Variants in TWIST2 observed in about 807,000 individuals in gnomAD.
The protein encoded by TWIST2 is twist-related protein 2.
Under a neutral mutation model 11.6 loss-of-function variants are expected in TWIST2, and 1 was observed. The ratio of observed to expected loss-of-function variants is 0.09; its 90% CI spans 0.03 to 0.41. The LOEUF (loss-of-function observed/expected upper bound fraction) is 0.41, where lower values mean the gene tolerates loss of function less well. Ranked by LOEUF, TWIST2 falls within the 10% of genes least tolerant of loss-of-function variation. The probability of loss-of-function intolerance (pLI) is 0.98; values close to 1 mark genes in which losing one functional copy is unlikely to be tolerated. For synonymous variants in TWIST2, 87 were observed against 96.6 expected (o/e 0.90, Z 0.58); for missense variants, 168 against 226.4 (o/e 0.74, Z 1.66).
At chr2:238,891,768 C>G (rs1255850496) in intron 1 of TWIST2, among the ~76,000 whole-genome samples, 5 of 152,138 alleles carry the variant, frequency 3.3e-5, no homozygotes, top group African/African-American at 1.2e-4. Context: ...AGGCTTGAGT[C>G]CAAAAACCCC....
At chr2:238,872,098 T>C (rs1692715250) in intron 1 of TWIST2, among the ~76,000 whole-genome samples, 1 of 152,236 alleles carries the variant, frequency 6.6e-6, no homozygotes. Flanking sequence ...GTTTCTGCCA[T>C]ATTAACCGGA....
chr2:238,878,817 T>C (rs1692854218), intron 1 of TWIST2, among the ~76,000 whole-genome samples: 1 of 152,184 alleles, frequency 6.6e-6, no homozygotes, highest in Non-Finnish European at 1.5e-5. Context: ...GGGTCCGTGC[T>C]TTCAGCTGGA....
At chr2:238,870,563 A>C (rs1194956848) in intron 1 of TWIST2, among the ~76,000 whole-genome samples, 1 of 112,618 alleles carries the variant, frequency 8.9e-6, no homozygotes, top group Non-Finnish European at 1.8e-5. Flanking sequence ...CACACACACC[A>C]CACACCACAC....
At chr2:238,858,757 C>A (rs1320193428) in intron 1 of TWIST2, among the ~76,000 whole-genome samples, 1 of 152,150 alleles carries the variant, frequency 6.6e-6, no homozygotes, top group Non-Finnish European at 1.5e-5. Flanking sequence ...TAGGTATATA[C>A]CCCAAAACAC....
intron 1 of TWIST2, among the ~76,000 whole-genome samples, chr2:238,869,866 T>TA (rs1692614496): frequency 2.0e-5 from 3 of 152,172 alleles, no homozygotes; most frequent in Non-Finnish European, 2.9e-5. Flanking sequence ...GAGGATCACT[T>TA]GAGTCCAGGA....
rs144754003 is a variant in TWIST2, at chr2:238,882,374, T to A, written c.*36-27468T>A. Among the ~76,000 whole-genome samples, 721 of 152,202 alleles carry A rather than the reference T, an allele frequency of 4.7e-3. 5 individuals are homozygous for A. The highest frequency in any genetic ancestry group is 0.016 in the African/African-American group (682 of 41,518). On this transcript the variant is annotated intron_variant, in intron 1 of 1. Transcript: ENST00000612363. ...AAACCTCTGAGACCATTCAATAGGG[T>A]GGTGGCTGGAAAACAGATCAGTACT...
chr2:238,878,563 G>A (rs181937861), intron 1 of TWIST2, among the ~76,000 whole-genome samples: 8 of 152,264 alleles, frequency 5.3e-5, no homozygotes, highest in Admixed American at 1.3e-4. Flanking sequence ...GTCACCTCTC[G>A]CCACTTGCTG....
intron 1 of TWIST2, among the ~76,000 whole-genome samples, chr2:238,886,301 A>T (rs903124429): frequency 6.6e-6 from 1 of 151,946 alleles, no homozygotes; most frequent in Non-Finnish European, 1.5e-5. Flanking sequence ...AGTGTTAATT[A>T]TGTTTTCTAC....
chr2:238,891,803 T>C (rs1371147890), intron 1 of TWIST2, among the ~76,000 whole-genome samples: 3 of 152,142 alleles, frequency 2.0e-5, no homozygotes, highest in Non-Finnish European at 4.4e-5. Context: ...CTCCGCTGCC[T>C]CACTGCCTTC....
rs552868309 is a variant in TWIST2, at chr2:238,861,404, TG to T, written c.*35+12677del. On this transcript the variant is annotated intron_variant, in intron 1 of 1. Transcript: ENST00000612363. ...ATGTCCAGCCTGTGCTCTGTATGCC[TG>T]GGGGGACACTGGAGCCAGCGCCCAG... Among the ~76,000 whole-genome samples, 211 of 152,274 alleles carry T rather than the reference TG, an allele frequency of 1.4e-3. 2 individuals carry two copies. The highest frequency in any genetic ancestry group is 5.0e-3 in the African/African-American group (208 of 41,554).
At chr2:238,905,434 C>A (rs1034040586) in intron 1 of TWIST2, among the ~76,000 whole-genome samples, 1 of 152,160 alleles carries the variant, frequency 6.6e-6, no homozygotes, top group Non-Finnish European at 1.5e-5. Flanking sequence ...CCCATGTCAG[C>A]AGACATGGCT....
At chr2:238,905,892 T>C (rs1427193590) in intron 1 of TWIST2, among the ~76,000 whole-genome samples, 2 of 127,724 alleles carry the variant, frequency 1.6e-5, no homozygotes, top group South Asian at 2.8e-4. Context: ...TGTGCGCGCA[T>C]GCGCGTGTGT....
intron 1 of TWIST2, among the ~76,000 whole-genome samples, chr2:238,870,449 C>A (rs796070476): frequency 4.7e-4 from 10 of 21,094 alleles, no homozygotes; most frequent in East Asian, 8.7e-4. Context: ...ACCACACACC[C>A]CACACACACC....
At chr2:238,898,430 ATGGTGCT>A (rs1693230956) in intron 1 of TWIST2, among the ~76,000 whole-genome samples, 1 of 152,228 alleles carries the variant, frequency 6.6e-6, no homozygotes, top group Non-Finnish European at 1.5e-5. Flanking sequence ...CTCCTGGGGA[ATGGTGCT>A]GTTGCTGGTC....
rs1692530682 is a variant in TWIST2, at chr2:238,866,235, G to A, written c.*35+17502G>A. Reference sequence around the variant, plus strand: ...TCTGTGAGCTGCCTCTGAGCCCTGGGCACCCTCCATGGCGAGCTCCCCAGG... The same window carrying A: ...TCTGTGAGCTGCCTCTGAGCCCTGGACACCCTCCATGGCGAGCTCCCCAGG... On this transcript the variant is annotated intron_variant, in intron 1 of 1. Coordinates refer to ENST00000612363, the MANE Select transcript of TWIST2 (RefSeq NM_001271893.4). This position sits in a 1 kb window ranked among gnomAD's most constrained non-coding sequence, Gnocchi z 4.9. Among the ~76,000 whole-genome samples the A allele has an allele frequency of 6.6e-6, 1 of 152,206 alleles. No individual in the cohort carries two copies. The highest frequency in any genetic ancestry group is 2.4e-5 in the African/African-American group (1 of 41,446).
At chr2:238,905,746 A>C (rs1693331500) in intron 1 of TWIST2, among the ~76,000 whole-genome samples, 1 of 152,188 alleles carries the variant, frequency 6.6e-6, no homozygotes, top group Non-Finnish European at 1.5e-5. Flanking sequence ...ATCTAATTAC[A>C]ACCACATTCT....
At chr2:238,909,691 C>G (rs1336789283) in intron 1 of TWIST2, among the ~76,000 whole-genome samples, 151 bp from the exon 2 acceptor site, 1 of 152,138 alleles carries the variant, frequency 6.6e-6, no homozygotes, top group African/African-American at 2.4e-5. Context: ...TGCCCAGTGT[C>G]TTTTGGGAGG....
intron 1 of TWIST2, among the ~76,000 whole-genome samples, chr2:238,904,278 ATGTAG>A (rs1186534172): frequency 2.6e-5 from 3 of 113,396 alleles, no homozygotes; most frequent in African/African-American, 7.1e-5. Flanking sequence ...GGTGTGTTTG[ATGTAG>A]TGTGTGTGTG....
chr2:238,896,519 G>A lies in TWIST2; in HGVS notation c.*36-13323G>A, dbSNP rs1574767412. On this transcript the variant is annotated intron_variant, in intron 1 of 1. Coordinates refer to ENST00000612363, the MANE Select transcript of TWIST2 (RefSeq NM_001271893.4). The stretch of plus-strand genomic sequence containing the variant: ...TGTGACTTATCCCAAGTCACCAGCT[G>A]GCTCCCTAATATCAGGCTGCCACCT... Among the ~76,000 whole-genome samples the A allele has an allele frequency of 7.9e-5, 12 of 152,290 alleles. 3 individuals carry two copies.
Sources: gnomAD v4.1 joint callset for allele counts (sites outside exome capture counted in the v4.1 genomes callset) on GRCh38, gnomAD v4.1.1 for gene constraint, Gnocchi (gnomAD v3.1) non-coding constraint, MANE v1.5 for transcripts, NCBI Gene and HGNC (gene_info 2026-07-23, HGNC 2026-07-21) for gene names.